CACNA1C: variants seen among roughly 807,000 people sequenced by gnomAD.
CACNA1C encodes the protein voltage-dependent L-type calcium channel subunit alpha-1C.
In CACNA1C, 30 loss-of-function variants were observed where a neutral mutation model predicts 229.0. That is an observed-to-expected ratio of 0.13 (90% confidence interval 0.10 to 0.18). CACNA1C has a LOEUF of 0.18. Among genes scored for constraint, CACNA1C ranks in the 10% least tolerant of loss-of-function variants. CACNA1C has a pLI of 1.00. For missense variants in CACNA1C, 1,658 were observed against 2,845.0 expected (o/e 0.58, Z 9.49); for synonymous variants, 1,114 against 1,132.5 (o/e 0.98, Z 0.33).
intron 3 of CACNA1C, among the ~76,000 whole-genome samples, chr12:2,222,925 T>C (rs868026930): frequency 6.6e-5 from 10 of 152,156 alleles, no homozygotes; most frequent in African/African-American, 2.4e-4. Context: ...GAGGTGCCCA[T>C]TGGAATAAGG....
At chr12:2,127,103 G>A (rs2090401014) in intron 3 of CACNA1C, among the ~76,000 whole-genome samples, 1 of 152,152 alleles carries the variant, frequency 6.6e-6, no homozygotes, top group Admixed American at 6.5e-5. Context: ...GGAGAGCACT[G>A]GTGGGGGACC....
intron 3 of CACNA1C, among the ~76,000 whole-genome samples, chr12:2,231,178 T>G (rs1356292902): frequency 6.6e-6 from 1 of 152,232 alleles, no homozygotes; most frequent in African/African-American, 2.4e-5. Flanking sequence ...GATGTATATG[T>G]CATCCCTCTT....
chr12:2,506,921 C>T (rs1413949412), intron 8 of CACNA1C, among the ~76,000 whole-genome samples: 3 of 152,100 alleles, frequency 2.0e-5, no homozygotes, highest in African/African-American at 2.4e-5. Flanking sequence ...CTGAGCAGAG[C>T]GTCTGCCCAG....
At chr12:2,612,132 C>A in intron 29 of CACNA1C, 119 bp downstream of exon 29, 1 of 679,160 alleles carries the variant, frequency 1.5e-6, no homozygotes, top group Admixed American at 2.1e-5. Context: ...CGGTGAAGGA[C>A]CATCCCTGCT....
intron 1 of CACNA1C, among the ~76,000 whole-genome samples, chr12:2,032,685 G>C (rs1017971899): frequency 2.0e-5 from 3 of 152,182 alleles, no homozygotes; most frequent in Non-Finnish European, 4.4e-5. Context: ...ACCTTGTCTT[G>C]TCCTCTGAAT....
chr12:2,534,048 A>G (rs996523551), intron 9 of CACNA1C, among the ~76,000 whole-genome samples: 1 of 152,174 alleles, frequency 6.6e-6, no homozygotes, highest in Non-Finnish European at 1.5e-5. Flanking sequence ...AGGAGGCTTC[A>G]TGGAGATGGT....
intron 3 of CACNA1C, among the ~76,000 whole-genome samples, chr12:2,362,881 A>T (rs144641161): frequency 6.6e-6 from 1 of 152,216 alleles, no homozygotes; most frequent in African/African-American, 2.4e-5. Context: ...GACACAGGAG[A>T]GCCTTCCTCT....
chr12:2,681,770 C>T (rs1056739211), intron 42 of CACNA1C, among the ~76,000 whole-genome samples: 1 of 152,154 alleles, frequency 6.6e-6, no homozygotes, highest in African/African-American at 2.4e-5. Context: ...ATTTAGCACT[C>T]GGCTCTGAGA....
chr12:2,393,014 T>G (rs2098512666), intron 3 of CACNA1C, among the ~76,000 whole-genome samples: 1 of 152,190 alleles, frequency 6.6e-6, no homozygotes, highest in Admixed American at 6.5e-5. Flanking sequence ...CACAGCAAAG[T>G]ACTGTCGTGC....
At chr12:2,499,732 A>C (rs931999564) in intron 7 of CACNA1C, among the ~76,000 whole-genome samples, 3 of 152,140 alleles carry the variant, frequency 2.0e-5, no homozygotes, top group African/African-American at 7.2e-5. Context: ...AGACCTGAGG[A>C]ACACGGCTTA....
At chr12:2,267,182 T>C (rs1331623267) in intron 3 of CACNA1C, among the ~76,000 whole-genome samples, 1 of 152,126 alleles carries the variant, frequency 6.6e-6, no homozygotes, top group African/African-American at 2.4e-5. Context: ...GCTTAAGAAA[T>C]GTTCATGCAG....
At chr12:2,213,591 C>T (rs2059215092) in intron 3 of CACNA1C, among the ~76,000 whole-genome samples, 1 of 152,204 alleles carries the variant, frequency 6.6e-6, no homozygotes, top group Admixed American at 6.5e-5. Context: ...ATGGCAACAC[C>T]GATGTTAATG....
chr12:2,325,830 C>T (rs541829185), intron 3 of CACNA1C, among the ~76,000 whole-genome samples: 272 of 152,344 alleles, frequency 1.8e-3, no homozygotes, highest in Non-Finnish European at 3.1e-3. Context: ...ACGAGCTCTG[C>T]GGACAGCAGG....
At chr12:2,621,801 G>C (rs181261547) in intron 29 of CACNA1C, among the ~76,000 whole-genome samples, 2 of 152,310 alleles carry the variant, frequency 1.3e-5, no homozygotes, top group Non-Finnish European at 2.9e-5. Context: ...TGCTGAAATA[G>C]AGAAGAACAG....
intron 3 of CACNA1C, among the ~76,000 whole-genome samples, chr12:2,371,724 CTTTT>C (rs61627008): frequency 0.013 from 1,645 of 128,982 alleles, 45 homozygotes; most frequent in African/African-American, 0.044. Context: ...TGACATATGG[CTTTT>C]TTTTTTTTTT....
At chr12:2,091,420 G>A (rs1302467110) in intron 1 of CACNA1C, among the ~76,000 whole-genome samples, 1 of 152,204 alleles carries the variant, frequency 6.6e-6, no homozygotes, top group Admixed American at 6.5e-5. Context: ...TCTAAAATGG[G>A]TCTGCAGGGC....
At chr12:2,140,720 G>C (rs1325949526) in intron 3 of CACNA1C, among the ~76,000 whole-genome samples, 2 of 151,392 alleles carry the variant, frequency 1.3e-5, no homozygotes, top group African/African-American at 2.4e-5. Context: ...CATTCCTTCT[G>C]TCATATTTAT....
chr12:2,392,232 T>C (rs912012903), intron 3 of CACNA1C, among the ~76,000 whole-genome samples: 3 of 152,234 alleles, frequency 2.0e-5, no homozygotes, highest in African/African-American at 7.2e-5. Flanking sequence ...AATGTAAACG[T>C]GAGAATTATT....
Position 2,633,297 on chromosome 12 carries a change from C to T in CACNA1C, c.3829-1000C>T, listed in dbSNP as rs564591059. On this transcript the variant is annotated intron_variant, in intron 29 of 46. Transcript: ENST00000399655. This position sits in a 1 kb window ranked among gnomAD's most constrained non-coding sequence, Gnocchi z 5.8. ...AGAGAGCATAGTAGCCACATCCTGC[C>T]GCCTGGCGATTTGCACCACCCACGC... 2.2e-4 allele frequency among the ~76,000 whole-genome samples: 33 copies of T among 152,264 alleles called. No individual in the cohort carries two copies. Among genetic ancestry groups the T allele is most frequent in the Admixed American group, 1.1e-3 (17 of 15,302 alleles).
Sources: gnomAD v4.1 joint callset for allele counts (sites outside exome capture counted in the v4.1 genomes callset) on GRCh38, gnomAD v4.1.1 for gene constraint, Gnocchi (gnomAD v3.1) non-coding constraint, MANE v1.5 for transcripts, NCBI Gene and HGNC (gene_info 2026-07-23, HGNC 2026-07-21) for gene names.